Variants in LOC400499 observed in about 807,000 individuals in gnomAD.
At chr16:11,464,576 C>A in the LOC400499 span, among the ~76,000 whole-genome samples, 130 of 152,288 alleles carry the variant, frequency 8.5e-4, 1 homozygote, top group African/African-American at 2.2e-3. Flanking sequence ...AGCTTTGAGA[C>A]AAGTTGAACA....
chr16:11,476,425 G>A, the LOC400499 span, among the ~76,000 whole-genome samples: 64 of 151,798 alleles, frequency 4.2e-4, no homozygotes, highest in Non-Finnish European at 2.9e-5. Context: ...TGTCAGACAC[G>A]CCCACCCTTC....
the LOC400499 span, chr16:11,462,309 A>G: frequency 1.7e-5 from 25 of 1,472,404 alleles, no homozygotes; most frequent in Non-Finnish European, 2.1e-5. Context: ...CAGCCCTGAA[A>G]CGGCCTCAGT....
chr16:11,412,864 G>A, the LOC400499 span: 2 of 399,118 alleles, frequency 5.0e-6, no homozygotes, highest in East Asian at 7.1e-5. Context: ...TCTGGCCACG[G>A]ACGTCAAGGA....
the LOC400499 span, among the ~76,000 whole-genome samples, chr16:11,407,969 T>TC: frequency 1.5e-3 from 169 of 116,176 alleles, 4 homozygotes; most frequent in African/African-American, 4.8e-3. Flanking sequence ...GTTCCAGAGC[T>TC]GTTTTTTTTT....
the LOC400499 span, among the ~76,000 whole-genome samples, chr16:11,463,473 T>G: frequency 6.6e-6 from 1 of 152,182 alleles, no homozygotes; most frequent in African/African-American, 2.4e-5. Context: ...CAGACGTGTA[T>G]GTACACAGAC....
chr16:11,523,294 C>A, the LOC400499 span: 2 of 397,618 alleles, frequency 5.0e-6, no homozygotes, highest in African/African-American at 2.1e-5. Context: ...TCTTTGGGAG[C>A]ATAGTCAGGG....
At chr16:11,478,622 G>C in the LOC400499 span, 1 of 398,950 alleles carries the variant, frequency 2.5e-6, no homozygotes, top group Non-Finnish European at 4.4e-6. Flanking sequence ...CTCAGCTCCT[G>C]CCCCAGCAAC....
the LOC400499 span, among the ~76,000 whole-genome samples, chr16:11,382,029 TG>T: frequency 5.3e-5 from 8 of 152,026 alleles, no homozygotes; most frequent in Admixed American, 6.6e-5. Context: ...TGCAACCTCC[TG>T]GGTTCAAGCG....
the LOC400499 span, chr16:11,425,475 G>C: frequency 7.5e-6 from 3 of 398,982 alleles, no homozygotes; most frequent in African/African-American, 6.2e-5. Flanking sequence ...AGGCGGCTCA[G>C]GGAAATGAGC....
chr16:11,475,529 G>A, the LOC400499 span: 4 of 396,834 alleles, frequency 1.0e-5, no homozygotes, highest in Middle Eastern at 6.3e-4. Context: ...TACTTTTAGG[G>A]CAGGAGAGCA....
chr16:11,396,627 G>A, the LOC400499 span: 9 of 1,232,182 alleles, frequency 7.3e-6, no homozygotes, highest in Non-Finnish European at 9.1e-6. Flanking sequence ...CGGGAACGCA[G>A]CAGGAGTCCA....
chr16:11,476,569 TCAGA>T, the LOC400499 span, among the ~76,000 whole-genome samples: 4 of 152,112 alleles, frequency 2.6e-5, no homozygotes, highest in African/African-American at 9.7e-5. Context: ...TCATGTGTAC[TCAGA>T]CACAGGCTCA....
chr16:11,412,040 T>C, the LOC400499 span, among the ~76,000 whole-genome samples: 12 of 152,074 alleles, frequency 7.9e-5, no homozygotes, highest in Non-Finnish European at 1.3e-4. Flanking sequence ...TTTTTAAGAT[T>C]TTTTGTAGCG....
chr16:11,500,572 C>T, the LOC400499 span, among the ~76,000 whole-genome samples: 100,777 of 151,144 alleles, frequency 0.67, 33,711 homozygotes, highest in Admixed American at 0.74. Flanking sequence ...AAATCACTTG[C>T]CTGGGATCAC....
chr16:11,422,387 A>G, the LOC400499 span, among the ~76,000 whole-genome samples: 1 of 152,168 alleles, frequency 6.6e-6, no homozygotes, highest in East Asian at 1.9e-4. Context: ...GCAACTGAGC[A>G]AGACTCTGTC....
the LOC400499 span, chr16:11,401,361 C>T: frequency 2.8e-5 from 11 of 399,416 alleles, no homozygotes; most frequent in Admixed American, 1.8e-4. Context: ...GCCAGGCGGG[C>T]GGCCAGCTCA....
At chr16:11,380,155 A>G in the LOC400499 span, among the ~76,000 whole-genome samples, 10 of 152,134 alleles carry the variant, frequency 6.6e-5, no homozygotes, top group Non-Finnish European at 1.2e-4. Flanking sequence ...ATAGTTATAC[A>G]TCTTTTAAAT....
chr16:11,477,041 A>G, the LOC400499 span: 15 of 400,414 alleles, frequency 3.7e-5, no homozygotes, highest in Non-Finnish European at 6.2e-5. Context: ...CCTGAGCCAC[A>G]GCAGCCCCTC....
chr16:11,511,496 G>T, the LOC400499 span, among the ~76,000 whole-genome samples: 3,003 of 152,096 alleles, frequency 0.02, 54 homozygotes, highest in Middle Eastern at 0.044. Flanking sequence ...CTGTACAATG[G>T]AATATTATTC....
Sources: gnomAD v4.1 joint callset for allele counts (sites outside exome capture counted in the v4.1 genomes callset) on GRCh38, gnomAD v4.1.1 for gene constraint, MANE v1.5 for transcripts.